Variants in NFIB observed in about 807,000 individuals in gnomAD.
NFIB encodes the protein nuclear factor 1 B-type.
In NFIB, 11 loss-of-function variants were observed where a neutral mutation model predicts 61.5. That is an observed-to-expected ratio of 0.18 (90% CI 0.11 to 0.30). NFIB has a LOEUF of 0.30. Among genes scored for constraint, NFIB ranks in the 10% least tolerant of loss-of-function variants. The pLI, the probability that NFIB is intolerant of heterozygous loss-of-function variation, is 1.00. For synonymous variants in NFIB, 260 were observed against 216.5 expected, an observed-to-expected ratio of 1.20 and a Z score of -1.76; for missense variants, 471 against 608.9, an observed-to-expected ratio of 0.77 and a Z score of 2.38.
intron 2 of NFIB, among the ~76,000 whole-genome samples, chr9:14,198,635 T>C (rs780042750): frequency 6.6e-6 from 1 of 152,138 alleles, no homozygotes; most frequent in Non-Finnish European, 1.5e-5. Context: ...GAAATTCAGA[T>C]TCCTCGACCT....
the NFIB span, among the ~76,000 whole-genome samples, chr9:14,460,409 C>T: frequency 0.045 from 6,422 of 142,762 alleles, 155 homozygotes; most frequent in Non-Finnish European, 0.057. Context: ...AGGAGATATA[C>T]CTAATGTAAA....
At chr9:14,358,936 T>G (rs1415228475) in intron 1 of NFIB, among the ~76,000 whole-genome samples, 1 of 152,256 alleles carries the variant, frequency 6.6e-6, no homozygotes, top group Non-Finnish European at 1.5e-5. Context: ...ATCATTTGAC[T>G]GCATTTTACT....
At chr9:14,219,901 C>T (rs1231494298) in intron 2 of NFIB, among the ~76,000 whole-genome samples, 1 of 152,208 alleles carries the variant, frequency 6.6e-6, no homozygotes, top group Non-Finnish European at 1.5e-5. Context: ...AGAATCTACA[C>T]TGGGACTCTT....
intron 4 of NFIB, among the ~76,000 whole-genome samples, chr9:14,155,174 C>T (rs928551683): frequency 2.0e-5 from 3 of 152,144 alleles, no homozygotes; most frequent in Admixed American, 6.6e-5. Context: ...TATGTTTGTA[C>T]ATGCTAGTAA....
the NFIB span, among the ~76,000 whole-genome samples, chr9:14,441,527 T>C: frequency 6.6e-6 from 1 of 152,202 alleles, no homozygotes; most frequent in African/African-American, 2.4e-5. Flanking sequence ...CCATACTTTA[T>C]GTTCTGACCT....
At chr9:14,193,356 A>G (rs2048153257) in intron 2 of NFIB, among the ~76,000 whole-genome samples, 1 of 152,154 alleles carries the variant, frequency 6.6e-6, no homozygotes, top group Admixed American at 6.6e-5. Flanking sequence ...TTTGTAAAAT[A>G]TGATACATTT....
chr9:14,170,392 A>C (rs971056299), intron 3 of NFIB, among the ~76,000 whole-genome samples: 33 of 152,198 alleles, frequency 2.2e-4, no homozygotes, highest in African/African-American at 8.0e-4. Flanking sequence ...TTATAATCCC[A>C]ACACTTTGGG....
chr9:14,255,091 C>T (rs930476148), intron 2 of NFIB, among the ~76,000 whole-genome samples: 16 of 152,068 alleles, frequency 1.1e-4, no homozygotes, highest in African/African-American at 2.7e-4. Context: ...GGTGTGGTGG[C>T]GCATACCTGT....
At chr9:14,399,067 TG>T (rs1383716947), upstream of NFIB, 1 of 201,218 alleles carries the variant, frequency 5.0e-6, no homozygotes, top group Non-Finnish European at 1.0e-5. Context: ...GCAAACTATA[TG>T]GGAATTTCAA....
chr9:14,464,316 G>T, the NFIB span, among the ~76,000 whole-genome samples: 48 of 152,282 alleles, frequency 3.2e-4, no homozygotes, highest in Non-Finnish European at 5.7e-4. Flanking sequence ...TAATGAAGGA[G>T]GTACAGAGAC....
chr9:14,272,425 C>T (rs1330872004), intron 2 of NFIB, among the ~76,000 whole-genome samples: 1 of 152,016 alleles, frequency 6.6e-6, no homozygotes, highest in Non-Finnish European at 1.5e-5. Context: ...ATGATATTTG[C>T]ATGAATCATA....
rs148191384 is a variant in NFIB, at chr9:14,210,775, CAG to C, written c.563-30997_563-30996del. 6.7e-3 allele frequency among the ~76,000 whole-genome samples: 1,016 copies of C among 152,046 alleles called. 13 individuals carry two copies. The highest frequency in any genetic ancestry group is 0.023 in the African/African-American group (936 of 41,492). On this transcript the variant is annotated intron_variant, in intron 2 of 10. Transcript: ENST00000380953. ...GTTTTGAATTTTTACTGGAAAAAAA[CAG>C]AAAGAAAATTTTTAACTTTCAAATG... is the stretch of plus-strand genomic sequence containing the variant.
At chr9:14,397,568 T>C (rs1293835269) in intron 1 of NFIB, among the ~76,000 whole-genome samples, 1 of 152,236 alleles carries the variant, frequency 6.6e-6, no homozygotes, top group African/African-American at 2.4e-5. Context: ...CAAGTCTTTA[T>C]CTGGCCCAAA....
At chr9:14,185,354 G>A (rs914855108) in intron 2 of NFIB, among the ~76,000 whole-genome samples, 3 of 152,138 alleles carry the variant, frequency 2.0e-5, no homozygotes, top group Non-Finnish European at 2.9e-5. Context: ...CTAAACATCT[G>A]CTAAAACCTT....
chr9:14,452,507 G>C, the NFIB span, among the ~76,000 whole-genome samples: 64 of 142,670 alleles, frequency 4.5e-4, no homozygotes, highest in African/African-American at 1.7e-3. Flanking sequence ...GAAAGGAAAG[G>C]AAAGGAGGAA....
the NFIB span, among the ~76,000 whole-genome samples, chr9:14,498,812 TCCC>T: frequency 7.3e-4 from 48 of 65,630 alleles, 1 homozygote; most frequent in African/African-American, 3.1e-3. Context: ...CCTCCCTTCC[TCCC>T]TTCCTCCCTT....
chr9:14,381,197 C>A (rs1478751450), intron 1 of NFIB, among the ~76,000 whole-genome samples: 1 of 145,214 alleles, frequency 6.9e-6, no homozygotes, highest in East Asian at 2.1e-4. Flanking sequence ...CTTTCTTTTT[C>A]TTTTTTCTTT....
At chr9:14,416,013 A>C in the NFIB span, among the ~76,000 whole-genome samples, 1 of 152,214 alleles carries the variant, frequency 6.6e-6, no homozygotes, top group Non-Finnish European at 1.5e-5. Context: ...TATTCCTTCT[A>C]AAGAAGAACC....
chr9:14,452,860 G>A, the NFIB span, among the ~76,000 whole-genome samples: 5 of 152,182 alleles, frequency 3.3e-5, no homozygotes, highest in Non-Finnish European at 7.3e-5. Context: ...AGGAGAAGGG[G>A]GAGAATCCTA....
Sources: allele counts gnomAD v4.1 joint callset (sites outside exome capture counted in the v4.1 genomes callset), GRCh38; gene constraint gnomAD v4.1.1; transcripts MANE v1.5; gene names NCBI Gene and HGNC (gene_info 2026-07-23, HGNC 2026-07-21).